Variants in CAB39 observed in about 807,000 individuals in gnomAD.
The protein encoded by CAB39 is calcium binding protein 39.
CAB39 carries 8 observed loss-of-function variants against 40.0 expected under a neutral mutation model. The ratio of observed to expected loss-of-function variants is 0.20; its 90% CI spans 0.12 to 0.36. CAB39 has a LOEUF of 0.36. Ranked by LOEUF, CAB39 falls within the 10% of genes least tolerant of loss-of-function variation. The pLI is 1.00. For synonymous variants in CAB39, 156 were observed against 141.6 expected (o/e 1.10, Z -0.72); for missense variants, 270 against 401.1 (o/e 0.67, Z 2.79).
At chr2:230,776,889 G>A (rs920062386) in intron 2 of CAB39, among the ~76,000 whole-genome samples, 9 of 152,016 alleles carry the variant, frequency 5.9e-5, no homozygotes, top group East Asian at 3.9e-4. Context: ...GGGTTTCACC[G>A]TATTAGCCAG....
chr2:230,715,347 A>G lies in CAB39; in HGVS notation c.-44+2117A>G, dbSNP rs1484832625. ...GTTTGAAGTATGTTTCTTTCTCTGT[A>G]AGACTTGGATCCTCTTGCTTGTTGA... On this transcript the variant is annotated intron_variant, in intron 1 of 8. Transcript: ENST00000258418. 2.0e-5 allele frequency among the ~76,000 whole-genome samples: 3 copies of G among 152,222 alleles called. No individual in the cohort carries two copies. In the East Asian group the frequency reaches 5.8e-4, roughly 29 times the overall value.
At position 230,819,051 on chromosome 2, in the gene CAB39, C is replaced by G. The variant is rs1254445562; in HGVS notation, c.*347C>G. On this transcript the variant is annotated 3_prime_UTR_variant, in exon 9 of 9. Transcript: ENST00000258418. Reference sequence around the variant, plus strand: ...TCAGATTAGACCTATGTGTTTGCACCCATCTTTGTTGGCGATCTGAGTGCA... The same window carrying G: ...TCAGATTAGACCTATGTGTTTGCACGCATCTTTGTTGGCGATCTGAGTGCA... The G allele has an allele frequency of 1.2e-5, 2 of 171,682 alleles. No homozygotes were observed. The highest frequency in any genetic ancestry group is 4.8e-5 in the African/African-American group (2 of 41,800). The allele number at this position is 171,682 out of a possible 1,614,324, so 10.6% of individuals were successfully genotyped here.
At chr2:230,730,780 C>T (rs1012186548) in intron 1 of CAB39, among the ~76,000 whole-genome samples, 2 of 152,062 alleles carry the variant, frequency 1.3e-5, no homozygotes, top group East Asian at 3.8e-4. Context: ...GATGAAAAAG[C>T]AGGTTTATTT....
intron 1 of CAB39, among the ~76,000 whole-genome samples, chr2:230,744,556 T>G (rs957107572): frequency 6.6e-6 from 1 of 152,268 alleles, no homozygotes; most frequent in Non-Finnish European, 1.5e-5. Context: ...CCTCCCAAAG[T>G]GCTGGGATTA....
intron 1 of CAB39, among the ~76,000 whole-genome samples, chr2:230,758,433 G>C (rs977451713): frequency 6.6e-6 from 1 of 152,140 alleles, no homozygotes; most frequent in African/African-American, 2.4e-5. Context: ...CAATATTTGG[G>C]GTTAGAGATT....
At chr2:230,783,176 T>C (rs146574374) in intron 2 of CAB39, among the ~76,000 whole-genome samples, 14 of 152,228 alleles carry the variant, frequency 9.2e-5, no homozygotes, top group East Asian at 3.9e-4. Flanking sequence ...TTGGCTTTCA[T>C]TGGGCTCAGC....
intron 1 of CAB39, among the ~76,000 whole-genome samples, chr2:230,718,926 A>G (rs913188478): frequency 5.3e-5 from 8 of 152,174 alleles, no homozygotes; most frequent in African/African-American, 1.9e-4. Context: ...TTCTTTGTCC[A>G]GTTTACTTGA....
intron 8 of CAB39, 65 bp from the exon 9 acceptor site, chr2:230,818,451 C>T (rs554101111): frequency 5.8e-5 from 78 of 1,353,016 alleles, no homozygotes; most frequent in East Asian, 7.0e-5. Flanking sequence ...GCACTGTGGC[C>T]GCAGCTCAGG....
intron 1 of CAB39, among the ~76,000 whole-genome samples, chr2:230,726,583 T>C (rs1694576552): frequency 6.6e-6 from 1 of 152,158 alleles, no homozygotes; most frequent in African/African-American, 2.4e-5. Flanking sequence ...GTGGCCTGCA[T>C]CCCTGTGCCT....
chr2:230,714,500 CAGAAGGTG>C (rs1694314117), intron 1 of CAB39, among the ~76,000 whole-genome samples: 1 of 152,236 alleles, frequency 6.6e-6, no homozygotes, highest in South Asian at 2.1e-4. Context: ...CATCTGCACA[CAGAAGGTG>C]TTTCTATTTG....
chr2:230,797,959 G>A (rs1696018730), intron 4 of CAB39, among the ~76,000 whole-genome samples: 1 of 152,170 alleles, frequency 6.6e-6, no homozygotes, highest in South Asian at 2.1e-4. Context: ...AGAGGAAGTA[G>A]AAGAGAGCGA....
At chr2:230,778,798 A>G (rs1362074476) in intron 2 of CAB39, among the ~76,000 whole-genome samples, 1 of 152,218 alleles carries the variant, frequency 6.6e-6, no homozygotes, top group East Asian at 1.9e-4. Context: ...CTAGGCTACA[A>G]ATCTGTGTAG....
At chr2:230,771,277 G>C (rs879299101) in intron 2 of CAB39, among the ~76,000 whole-genome samples, 1 of 151,806 alleles carries the variant, frequency 6.6e-6, no homozygotes, top group Admixed American at 6.6e-5. Context: ...AAAATACCTT[G>C]TATTCAAGAG....
rs536015900 is a variant in CAB39, at chr2:230,733,105, C to G, written c.-44+19875C>G. Among the ~76,000 whole-genome samples, 31 of 152,244 alleles carry G rather than the reference C, an allele frequency of 2.0e-4. No individual in the cohort carries two copies. In the South Asian group the frequency reaches 6.4e-3, roughly 32 times the overall value. Reference sequence around the variant, plus strand: ...AAATGGACATGCACAGGAAAGTTGACTAGTCATAGGGGAGTCAAAATAGTC... The same window carrying G: ...AAATGGACATGCACAGGAAAGTTGAGTAGTCATAGGGGAGTCAAAATAGTC... On this transcript the variant is annotated intron_variant, in intron 1 of 8. Transcript: ENST00000258418.
chr2:230,770,886 T>A (rs767940999), intron 2 of CAB39, among the ~76,000 whole-genome samples: 1 of 152,114 alleles, frequency 6.6e-6, no homozygotes, highest in Non-Finnish European at 1.5e-5. Context: ...AGGAAGGGAA[T>A]TTTCTCAAGC....
At chr2:230,785,627 T>G (rs1695775987) in intron 2 of CAB39, among the ~76,000 whole-genome samples, 2 of 151,998 alleles carry the variant, frequency 1.3e-5, no homozygotes, top group South Asian at 4.1e-4. Context: ...AGGGAATTCC[T>G]TCTGAAAGAG....
In CAB39 at chr2:230,789,487, A is replaced by G. The variant is rs982513097; in HGVS notation, c.115-1385A>G. ...CCAGATCAGAGTTTGGCCTAGGATTAATTTTGTATGCCTACTGAGGCAAAA... is the reference window on the plus strand; with the variant it reads ...CCAGATCAGAGTTTGGCCTAGGATTGATTTTGTATGCCTACTGAGGCAAAA... On this transcript the variant is annotated intron_variant, in intron 2 of 8. Transcript: ENST00000258418. Among the ~76,000 whole-genome samples the G allele has an allele frequency of 2.0e-5, 3 of 152,284 alleles. No individual in the cohort carries two copies. In the South Asian group the frequency reaches 6.2e-4, roughly 32 times the overall value.
chr2:230,817,993 C>T, intron 8 of CAB39, 96 bp downstream of exon 8: 1 of 1,092,390 alleles, frequency 9.2e-7, no homozygotes, highest in Non-Finnish European at 1.3e-6. Flanking sequence ...CTCTGGTAAT[C>T]CAGGTGACTT....
chr2:230,727,838 CAT>C (rs1694614192), intron 1 of CAB39, among the ~76,000 whole-genome samples: 1 of 152,112 alleles, frequency 6.6e-6, no homozygotes, highest in African/African-American at 2.4e-5. Context: ...ATATACCTAA[CAT>C]AAATACCCAT....
Sources: gnomAD v4.1 joint callset for allele counts (sites outside exome capture counted in the v4.1 genomes callset) on GRCh38, gnomAD v4.1.1 for gene constraint, MANE v1.5 for transcripts, NCBI Gene and HGNC (gene_info 2026-07-23, HGNC 2026-07-21) for gene names.